ALG14: variants seen among roughly 807,000 people sequenced by gnomAD.
ALG14 encodes the protein UDP-N-acetylglucosamine transferase subunit ALG14.
A neutral mutation model predicts 22.8 loss-of-function variants in ALG14; 17 were observed. That is an observed-to-expected ratio of 0.75 (90% CI 0.51 to 1.12). ALG14 has a LOEUF of 1.12. Among genes scored for constraint, ALG14 ranks in the 50% most tolerant of loss-of-function variants. The pLI, the probability that ALG14 is intolerant of heterozygous loss-of-function variation, is 0.00. For synonymous variants in ALG14, 89 were observed against 103.7 expected (o/e 0.86, Z 0.86); for missense variants, 288 against 271.8 (o/e 1.06, Z -0.42).
intron 3 of ALG14, among the ~76,000 whole-genome samples, chr1:95,006,130 C>T (rs977527557): frequency 5.9e-5 from 9 of 152,120 alleles, no homozygotes; most frequent in East Asian, 1.9e-4. Context: ...GTTATCAATA[C>T]GATGAACCCG....
At chr1:95,038,443 C>T (rs888528252) in intron 2 of ALG14, among the ~76,000 whole-genome samples, 9 of 151,816 alleles carry the variant, frequency 5.9e-5, no homozygotes, top group African/African-American at 2.2e-4. Context: ...GAGCCAAGAT[C>T]GTGACACTGC....
At chr1:95,051,728 C>A (rs1243519738) in intron 2 of ALG14, among the ~76,000 whole-genome samples, 9 of 152,192 alleles carry the variant, frequency 5.9e-5, no homozygotes, top group Admixed American at 5.9e-4. Context: ...CACGGCCCCA[C>A]CTCAGGGCCT....
intron 2 of ALG14, among the ~76,000 whole-genome samples, chr1:95,059,051 T>C (rs1675040905): frequency 6.6e-6 from 1 of 151,988 alleles, no homozygotes; most frequent in Non-Finnish European, 1.5e-5. Context: ...GATAAGCACT[T>C]TGTTTTAATT....
intron 1 of ALG14, among the ~76,000 whole-genome samples, 173 bp downstream of exon 1, chr1:95,072,589 GC>G: frequency 6.6e-6 from 1 of 152,180 alleles, no homozygotes; most frequent in African/African-American, 2.4e-5. Context: ...GGCCGCGTCA[GC>G]AAACCAGCCC....
At chr1:95,040,645 G>A (rs571423704) in intron 2 of ALG14, among the ~76,000 whole-genome samples, 15 of 152,228 alleles carry the variant, frequency 9.9e-5, no homozygotes, top group African/African-American at 3.6e-4. Context: ...GCCATGTCCT[G>A]ATTTTATAAC....
At chr1:95,051,400 G>A (rs897375984) in intron 2 of ALG14, among the ~76,000 whole-genome samples, 30 of 152,084 alleles carry the variant, frequency 2.0e-4, no homozygotes, top group African/African-American at 7.2e-4. Flanking sequence ...TCCACTCCCA[G>A]TCTAAGCCAT....
chr1:95,006,417 A>C (rs1419862665), intron 3 of ALG14, among the ~76,000 whole-genome samples: 1 of 152,234 alleles, frequency 6.6e-6, no homozygotes, highest in Non-Finnish European at 1.5e-5. Flanking sequence ...AGGTTTGAGA[A>C]TCACTAGTGA....
At chr1:95,067,809 C>T (rs1675426484) in intron 1 of ALG14, among the ~76,000 whole-genome samples, 1 of 152,152 alleles carries the variant, frequency 6.6e-6, no homozygotes, top group Non-Finnish European at 1.5e-5. Flanking sequence ...TACTTCTGCT[C>T]AAAATCCTCC....
intron 3 of ALG14, among the ~76,000 whole-genome samples, chr1:94,985,332 C>T (rs1269414344): frequency 1.3e-5 from 2 of 152,160 alleles, no homozygotes; most frequent in African/African-American, 4.8e-5. Flanking sequence ...GTTATGGGGG[C>T]CTGTCTTGTG....
chr1:95,014,034 C>T (rs1361202178), intron 3 of ALG14, among the ~76,000 whole-genome samples: 1 of 151,556 alleles, frequency 6.6e-6, no homozygotes, highest in African/African-American at 2.4e-5. Flanking sequence ...CTTTATCCAA[C>T]TTTTATCATT....
intron 2 of ALG14, among the ~76,000 whole-genome samples, chr1:95,046,007 T>C (rs1233041427): frequency 6.7e-6 from 1 of 149,250 alleles, no homozygotes. Context: ...ATTATACTAA[T>C]TAGTATTATA....
intron 3 of ALG14, among the ~76,000 whole-genome samples, chr1:95,021,151 T>C (rs1025876885): frequency 6.6e-6 from 1 of 152,240 alleles, no homozygotes; most frequent in Non-Finnish European, 1.5e-5. Context: ...TATTCTACTT[T>C]TTCCAGCCCA....
chr1:95,039,514 A>T (rs1006056748), intron 2 of ALG14, among the ~76,000 whole-genome samples: 5 of 152,160 alleles, frequency 3.3e-5, no homozygotes, highest in African/African-American at 1.2e-4. Context: ...CCTAGGGTGA[A>T]CGGTACTGTC....
chr1:94,991,974 A>T (rs1672785610), intron 3 of ALG14, among the ~76,000 whole-genome samples: 1 of 151,996 alleles, frequency 6.6e-6, no homozygotes, highest in South Asian at 2.1e-4. Context: ...ATCTTGTCCC[A>T]CTGAAAGGTC....
chr1:95,005,411 G>A (rs1008232526), intron 3 of ALG14, among the ~76,000 whole-genome samples: 2 of 152,176 alleles, frequency 1.3e-5, no homozygotes, highest in Admixed American at 1.3e-4. Flanking sequence ...AGCCAGAAAC[G>A]AAATGGTCTA....
At position 95,019,842 on chromosome 1, in the gene ALG14, T is replaced by C. The variant is rs572063686; in HGVS notation, c.420+7287A>G. On this transcript the variant is annotated intron_variant, in intron 3 of 3. Transcript: ENST00000370205. ...CTAAAAATACAAAATTAGCCGGGCATAGTGGTGCATGCCTGTAATCCCAGC... is the reference window on the plus strand; with the variant it reads ...CTAAAAATACAAAATTAGCCGGGCACAGTGGTGCATGCCTGTAATCCCAGC... Among the ~76,000 whole-genome samples the C allele has an allele frequency of 5.3e-5, 8 of 151,966 alleles. No individual in the cohort carries two copies. The South Asian group carries it at 1.7e-3, about 32-fold the overall frequency.
At chr1:95,009,196 A>AT (rs1387521498) in intron 3 of ALG14, among the ~76,000 whole-genome samples, 2 of 150,430 alleles carry the variant, frequency 1.3e-5, no homozygotes, top group African/African-American at 2.4e-5. Context: ...TCATATGGTA[A>AT]TTTTTTTATT....
At chr1:95,036,373 T>C (rs1270457098) in intron 2 of ALG14, among the ~76,000 whole-genome samples, 1 of 151,994 alleles carries the variant, frequency 6.6e-6, no homozygotes, top group Non-Finnish European at 1.5e-5. Context: ...ATTCCAAGTT[T>C]CCTGAGGCCT....
chr1:94,983,073 T>C lies in ALG14; in HGVS notation c.*3A>G. 1 of 1,613,790 alleles carries C rather than the reference T, an allele frequency of 6.2e-7. No individual in the cohort carries two copies. Among genetic ancestry groups the C allele is most frequent in the South Asian group, 1.1e-5 (1 of 91,062 alleles). ...AAATTCTAAAGAAGTCAGTTGCCAT[T>C]TGTCAAACAATTCGCCCAAGGTACA... On this transcript the variant is annotated 3_prime_UTR_variant, in exon 4 of 4. Transcript: ENST00000370205.
Sources: allele counts gnomAD v4.1 joint callset (sites outside exome capture counted in the v4.1 genomes callset), GRCh38; gene constraint gnomAD v4.1.1; transcripts MANE v1.5; gene names NCBI Gene and HGNC (gene_info 2026-07-23, HGNC 2026-07-21).